Variants in SMYD3 observed in about 807,000 individuals in gnomAD.
SMYD3 encodes SET and MYND domain containing 3.
A neutral mutation model predicts 57.7 loss-of-function variants in SMYD3; 36 were observed. That is an observed-to-expected ratio of 0.62 (90% CI 0.48 to 0.82). The LOEUF (loss-of-function observed/expected upper bound fraction) is 0.82, where lower values mean the gene tolerates loss of function less well. Among genes scored for constraint, SMYD3 ranks in the 40% least tolerant of loss-of-function variants. SMYD3 has a pLI of 0.00. For missense variants in SMYD3, 515 were observed against 538.8 expected, an observed-to-expected ratio of 0.96 and a Z score of 0.44; for synonymous variants, 211 against 195.0, an observed-to-expected ratio of 1.08 and a Z score of -0.68.
At chr1:245,859,584 A>G (rs1426557904) in intron 9 of SMYD3, among the ~76,000 whole-genome samples, 1 of 152,158 alleles carries the variant, frequency 6.6e-6, no homozygotes, top group Non-Finnish European at 1.5e-5. Flanking sequence ...TCTGGGAAAC[A>G]CAGCGAAGGC....
At position 245,810,527 on chromosome 1, in the gene SMYD3, C is replaced by G. The variant is rs1032397027; in HGVS notation, c.1077-46378G>C. 5.3e-5 allele frequency among the ~76,000 whole-genome samples: 8 copies of G among 152,206 alleles called. 1 individual carries two copies. The East Asian group carries it at 7.7e-4, about 15-fold the overall frequency. ...GACAGCACCTACTCTGTTATTCACC[C>G]AAAGCCTCTGTCTCCACTGCAGCCA... On this transcript the variant is annotated intron_variant, in intron 10 of 11. Transcript: ENST00000490107.
chr1:246,165,685 C>T (rs977840189), intron 5 of SMYD3, among the ~76,000 whole-genome samples: 1 of 152,052 alleles, frequency 6.6e-6, no homozygotes, highest in African/African-American at 2.4e-5. Flanking sequence ...TTAAGGTGAG[C>T]TTAGATGCAA....
intron 1 of SMYD3, among the ~76,000 whole-genome samples, chr1:246,405,778 C>T (rs6678633): frequency 0.065 from 9,788 of 151,632 alleles, 611 homozygotes; most frequent in East Asian, 0.32. Context: ...GGCGTGGTGG[C>T]GGGCGCCTGT....
intron 10 of SMYD3, among the ~76,000 whole-genome samples, chr1:245,770,704 G>T (rs530543387): frequency 6.6e-6 from 1 of 152,166 alleles, no homozygotes; most frequent in Non-Finnish European, 1.5e-5. Context: ...TACTGAAATG[G>T]TAAGGTTCTC....
chr1:245,981,624 A>C (rs1379066828), intron 5 of SMYD3, among the ~76,000 whole-genome samples: 1 of 152,222 alleles, frequency 6.6e-6, no homozygotes, highest in Non-Finnish European at 1.5e-5. Flanking sequence ...TGAAAAAAAG[A>C]TTTTTAGATC....
At chr1:245,862,159 G>C (rs1316921547) in intron 9 of SMYD3, among the ~76,000 whole-genome samples, 1 of 151,976 alleles carries the variant, frequency 6.6e-6, no homozygotes, top group Non-Finnish European at 1.5e-5. Flanking sequence ...CTTAATTTCA[G>C]TTCCACCCCT....
intron 5 of SMYD3, among the ~76,000 whole-genome samples, chr1:246,262,620 G>A (rs1401947883): frequency 6.6e-6 from 1 of 151,974 alleles, no homozygotes; most frequent in African/African-American, 2.4e-5. Context: ...CACTATGCTT[G>A]GCACAGCGTC....
intron 8 of SMYD3, among the ~76,000 whole-genome samples, chr1:245,898,048 A>G (rs1172263648): frequency 6.6e-6 from 1 of 152,128 alleles, no homozygotes; most frequent in Non-Finnish European, 1.5e-5. Context: ...TTTCCTTCTT[A>G]GGGCTACTGT....
intron 10 of SMYD3, among the ~76,000 whole-genome samples, chr1:245,784,609 C>G (rs1008360087): frequency 6.6e-6 from 1 of 152,052 alleles, no homozygotes. Flanking sequence ...AACAAGAGTA[C>G]TTAAGTGGCC....
chr1:246,047,389 T>C (rs1422266085), intron 5 of SMYD3, among the ~76,000 whole-genome samples: 2 of 152,258 alleles, frequency 1.3e-5, no homozygotes, highest in African/African-American at 4.8e-5. Context: ...CACTCAATTG[T>C]GACTTTTCAA....
rs143885627 is a variant in SMYD3, at chr1:246,090,518, C to CTT, written c.532-160582_532-160581insAA. Among the ~76,000 whole-genome samples the CTT allele has an allele frequency of 2.3e-3, 283 of 121,804 alleles. 12 individuals are homozygous for CTT. Among genetic ancestry groups the CTT allele is most frequent in the Non-Finnish European group, 3.2e-3 (201 of 62,202 alleles). 79.9% of individuals were successfully genotyped at this position (121,804 alleles called of 152,430 possible). Reference sequence around the variant, plus strand: ...GAGAGAGAGCTGTTTTTCTTTCTCTCTCTCTTTTTTTTTTTTTTAGATGGA... The same window carrying CTT: ...GAGAGAGAGCTGTTTTTCTTTCTCTCTTTCTCTTTTTTTTTTTTTTAGATGGA... On this transcript the variant is annotated intron_variant, in intron 5 of 11. Transcript: ENST00000490107.
chr1:246,379,417 T>C (rs956583398), intron 1 of SMYD3, among the ~76,000 whole-genome samples: 2 of 152,122 alleles, frequency 1.3e-5, no homozygotes. Context: ...AACTAATAGA[T>C]TAAACAATAC....
chr1:246,101,064 G>GTTTTTTTTTTTTTTTTTTTT lies in SMYD3; in HGVS notation c.532-171128_532-171127insAAAAAAAAAAAAAAAAAAAA, dbSNP rs538220674. Among the ~76,000 whole-genome samples, 3 of 78,564 alleles carry GTTTTTTTTTTTTTTTTTTTT rather than the reference G, an allele frequency of 3.8e-5. 1 individual carries two copies. Among genetic ancestry groups the GTTTTTTTTTTTTTTTTTTTT allele is most frequent in the Non-Finnish European group, 9.2e-5 (3 of 32,616 alleles). The allele number at this position is 78,564 out of a possible 152,430, so 51.5% of individuals were successfully genotyped here. A position where few individuals can be genotyped will look rare whatever the true frequency, so the allele number is the denominator to read the frequency against. On this transcript the variant is annotated intron_variant, in intron 5 of 11. Transcript: ENST00000490107. Reference sequence around the variant, plus strand: ...TCACTAGTAATATGTATTTTTAGGGGTTTTTTGTTTTTTTTTTTTTTTTTT... The same window carrying GTTTTTTTTTTTTTTTTTTTT: ...TCACTAGTAATATGTATTTTTAGGGGTTTTTTTTTTTTTTTTTTTTTTTTTTGTTTTTTTTTTTTTTTTTT...
chr1:246,300,440 C>T (rs1288928588), intron 5 of SMYD3, among the ~76,000 whole-genome samples: 1 of 151,998 alleles, frequency 6.6e-6, no homozygotes, highest in African/African-American at 2.4e-5. Flanking sequence ...TCTAAAATAC[C>T]CAAAATTGCC....
rs141290785 is a variant in SMYD3, at chr1:245,990,529, T to C, written c.532-60592A>G. 1.4e-3 allele frequency among the ~76,000 whole-genome samples: 209 copies of C among 152,318 alleles called. 1 individual carries two copies. The highest frequency in any genetic ancestry group is 2.2e-3 in the Non-Finnish European group (152 of 68,034). On this transcript the variant is annotated intron_variant, in intron 5 of 11. Transcript: ENST00000490107. Reference sequence around the variant, plus strand: ...AGTGGCTGCAATGAGAAAGGAAGTATACAGCACAAACTAGGAGTAGATTTG... The same window carrying C: ...AGTGGCTGCAATGAGAAAGGAAGTACACAGCACAAACTAGGAGTAGATTTG...
At chr1:245,906,755 C>A (rs1354030077) in intron 8 of SMYD3, among the ~76,000 whole-genome samples, 2 of 152,240 alleles carry the variant, frequency 1.3e-5, no homozygotes, top group African/African-American at 4.8e-5. Context: ...CGTCCATCAG[C>A]AGATGAATGC....
intron 8 of SMYD3, among the ~76,000 whole-genome samples, chr1:245,873,150 G>A (rs1419517563): frequency 6.6e-6 from 1 of 152,144 alleles, no homozygotes; most frequent in African/African-American, 2.4e-5. Flanking sequence ...AGCATGATGG[G>A]CTGATATACA....
chr1:246,124,945 G>A (rs998770480), intron 5 of SMYD3, among the ~76,000 whole-genome samples: 2 of 152,090 alleles, frequency 1.3e-5, no homozygotes, highest in East Asian at 1.9e-4. Context: ...GGTGGCGGGC[G>A]CCTGTAGTCC....
chr1:245,824,630 C>T (rs976778283), intron 10 of SMYD3, among the ~76,000 whole-genome samples: 8 of 151,948 alleles, frequency 5.3e-5, no homozygotes, highest in Admixed American at 2.0e-4. Context: ...TCAAGGCAGG[C>T]GGATCACCTG....
Sources: gnomAD v4.1 joint callset for allele counts (sites outside exome capture counted in the v4.1 genomes callset) on GRCh38, gnomAD v4.1.1 for gene constraint, MANE v1.5 for transcripts, NCBI Gene and HGNC (gene_info 2026-07-23, HGNC 2026-07-21) for gene names.